KCP: variants seen among roughly 807,000 people sequenced by gnomAD.
The protein encoded by KCP is kielin cysteine rich BMP regulator, also known as kielin/chordin-like protein.
In KCP, 194 loss-of-function variants were observed where a neutral mutation model predicts 212.7. That is an observed-to-expected ratio of 0.91 (90% CI 0.81 to 1.03). The LOEUF is 1.03. KCP is among the 50% of genes least tolerant of loss of function. The probability of loss-of-function intolerance (pLI) is 0.00; values close to 1 mark genes in which losing one functional copy is unlikely to be tolerated. For missense variants in KCP, 2,080 were observed against 2,162.5 expected, an observed-to-expected ratio of 0.96 and a Z score of 0.76; for synonymous variants, 833 against 865.3, an observed-to-expected ratio of 0.96 and a Z score of 0.65.
chr7:128,882,008 T>A lies in KCP; in HGVS notation c.3253A>T (p.Ser1085Cys). The A allele has an allele frequency of 6.4e-7, 1 of 1,551,004 alleles. No individual in the cohort carries two copies. Among genetic ancestry groups the A allele is most frequent in the Non-Finnish European group, 8.7e-7 (1 of 1,146,828 alleles). ...CCCAGCAGGCCCTCTGAACAGTTAC[T>A]CAAGGCCTCTGTGAAGACAAGAATC... ...HCCPTCAEAL[S>C]NCSEGLLGSE... The change falls in exon 30 of 40, where the codon AGT becomes TGT. Residue 1085 changes from serine (S) to cysteine (C), a missense_variant. Transcript: ENST00000610776.
At chr7:128,896,324 T>A (rs1794519327) in intron 8 of KCP, among the ~76,000 whole-genome samples, 1 of 152,144 alleles carries the variant, frequency 6.6e-6, no homozygotes, top group Non-Finnish European at 1.5e-5. Context: ...GCAAGGATGC[T>A]TGATGGACCT....
chr7:128,887,434 C>G, intron 22 of KCP, 134 bp from the exon 23 acceptor site: 1 of 704,218 alleles, frequency 1.4e-6, no homozygotes, highest in Non-Finnish European at 2.5e-6. Context: ...CACACACATA[C>G]CCATATACAC....
In KCP at chr7:128,890,618, T is replaced by G. The variant is rs906713326; in HGVS notation, c.2165-105A>C. 98 of 120,420 alleles carry G rather than the reference T, an allele frequency of 8.1e-4. No individual in the cohort carries two copies. The Middle Eastern group carries it at 0.013, about 16-fold the overall frequency. The allele number at this position is 120,420 out of a possible 1,614,324, so 7.5% of individuals were successfully genotyped here. On this transcript the variant is annotated intron_variant, in intron 20 of 39. Coordinates refer to ENST00000610776, the MANE Select transcript of KCP (RefSeq NM_001366122.1). ...TGGAGGACGGGTGTCGTGGGGGCCG[T>G]GGGGGCTGGAGGTCGTGGGGGCTGG...
chr7:128,890,071 A>G, intron 21 of KCP: 1 of 487,164 alleles, frequency 2.1e-6, no homozygotes, highest in Admixed American at 3.3e-5. Flanking sequence ...TACAAGAGGC[A>G]CCACGACCAG....
chr7:128,884,381 G>A (rs925677368), intron 28 of KCP, among the ~76,000 whole-genome samples: 2 of 152,182 alleles, frequency 1.3e-5, no homozygotes, highest in Admixed American at 1.3e-4. Context: ...CCTCCGGCAG[G>A]CTCATGCCAT....
chr7:128,893,554 C>T, intron 11 of KCP, 78 bp from the exon 12 acceptor site: 1 of 1,167,574 alleles, frequency 8.6e-7, no homozygotes. Context: ...AGGTGTCCAA[C>T]CCCCACCCTG....
At position 128,903,764 on chromosome 7, in the gene KCP, T is replaced by TG. The variant is rs1794977969; in HGVS notation, c.710dup (p.Val238SerfsTer71). Reference sequence around the variant, plus strand: ...GGCAGCAGTGCCCAGGCCTCAGCACTGGCTCTGGGCAGGGGCTAGGCGGGC... The same window carrying TG: ...GGCAGCAGTGCCCAGGCCTCAGCACTGGGCTCTGGGCAGGGGCTAGGCGGGC... On this transcript the variant is annotated frameshift_variant, in exon 7 of 40. Coordinates refer to ENST00000610776, the MANE Select transcript of KCP (RefSeq NM_001366122.1). LOFTEE classifies it high-confidence loss of function. 6.5e-7 allele frequency: 1 copy of TG among 1,547,044 alleles called. No individual in the cohort carries two copies. Among genetic ancestry groups the TG allele is most frequent in the Non-Finnish European group, 8.7e-7 (1 of 1,144,682 alleles).
chr7:128,887,166 G>A, intron 23 of KCP, 49 bp downstream of exon 23: 2 of 1,465,240 alleles, frequency 1.4e-6, no homozygotes, highest in African/African-American at 1.4e-5. Flanking sequence ...GGCCAGAGAG[G>A]AGTATCAAGG....
chr7:128,897,701 A>G (rs1794611071), intron 8 of KCP, among the ~76,000 whole-genome samples: 1 of 152,122 alleles, frequency 6.6e-6, no homozygotes, highest in Admixed American at 6.5e-5. Context: ...CTTTAAGGTC[A>G]TAACCTGCTT....
chr7:128,908,251 G>GAAGAAAAAGAAAGAAAGA (rs1454174956), intron 2 of KCP, among the ~76,000 whole-genome samples, 175 bp downstream of exon 2: 1 of 101,212 alleles, frequency 9.9e-6, no homozygotes, highest in African/African-American at 3.9e-5. Context: ...AAGAAAGAAA[G>GAAGAAAAAGAAAGAAAGA]AAGAAAGAAA....
intron 2 of KCP, among the ~76,000 whole-genome samples, chr7:128,907,663 C>G (rs555910863): frequency 5.3e-5 from 8 of 152,298 alleles, no homozygotes; most frequent in Middle Eastern, 3.4e-3. Flanking sequence ...AAATGGGGAC[C>G]CAACCCTTGC....
In KCP at chr7:128,888,580, CCACA is replaced by C. The variant is rs111595461; in HGVS notation, c.2512+279_2512+282del. ...TACATACACACACATATACACACGG[CCACA>C]CACACACAGAGCCACACACACACAG... is the stretch of plus-strand genomic sequence containing the variant. On this transcript the variant is annotated intron_variant, in intron 22 of 39. Coordinates refer to ENST00000610776, the MANE Select transcript of KCP (RefSeq NM_001366122.1). Among the ~76,000 whole-genome samples, 759 of 135,416 alleles carry C rather than the reference CCACA, an allele frequency of 5.6e-3. 9 individuals carry two copies. Among genetic ancestry groups the C allele is most frequent in the African/African-American group, 0.019 (697 of 36,370 alleles). 88.8% of individuals were successfully genotyped at this position (135,416 alleles called of 152,430 possible).
chr7:128,892,928 G>A lies in KCP; in HGVS notation c.1361C>T (p.Pro454Leu), dbSNP rs1326307834. 2 of 1,501,672 alleles carry A rather than the reference G, an allele frequency of 1.3e-6. No individual in the cohort carries two copies. Among genetic ancestry groups the A allele is most frequent in the Admixed American group, 2.0e-5 (1 of 50,960 alleles). 93.0% of individuals were successfully genotyped at this position (1,501,672 alleles called of 1,614,324 possible). ...GGGGCAGAGCACAGCCCCGCACTTG[G>A]GTACCCCATCTTGACAGACGCAGGC... ...CTACVCQDGVPKCGAVLCPPA... is the reference protein window; with the variant it reads ...CTACVCQDGVLKCGAVLCPPA... The change falls in exon 14 of 40, where the codon CCC becomes CTC. Residue 454 changes from proline (P) to leucine (L), a missense_variant. Transcript: ENST00000610776.
At chr7:128,907,208 C>T in intron 3 of KCP, 31 bp from the exon 4 acceptor site, 1 of 1,546,120 alleles carries the variant, frequency 6.5e-7, no homozygotes, top group Non-Finnish European at 8.8e-7. Context: ...CTCAAGCACC[C>T]CATGCCATCT....
chr7:128,878,446 A>C, intron 38 of KCP, 112 bp downstream of exon 38: 1 of 1,206,464 alleles, frequency 8.3e-7, no homozygotes, highest in Non-Finnish European at 1.1e-6. Context: ...CCAAAAGCCT[A>C]TCTTGTGTGA....
At position 128,878,691 on chromosome 7, in the gene KCP, A is replaced by G. The variant is rs1253206476; in HGVS notation, c.4178T>C (p.Val1393Ala). 2 of 1,550,584 alleles carry G rather than the reference A, an allele frequency of 1.3e-6. No individual in the cohort carries two copies. The highest frequency in any genetic ancestry group is 2.4e-5 in the South Asian group (2 of 84,060). Residue 1393 changes from valine (V) to alanine (A), a missense_variant, in exon 38 of 40, where the codon GTG (valine) becomes GCG (alanine). Coordinates refer to ENST00000610776, the MANE Select transcript of KCP (RefSeq NM_001366122.1). ...GCCCTGGTAGGAGCCAGGTACGCTC[A>G]CCTCCACCTGGGACTGCCCATCCCA... ...VLWDGQSQVE[V>A]SVPGSYQGRT... is the part of the protein sequence containing the mutation.
At chr7:128,905,595 G>A (rs1407454667) in intron 5 of KCP, among the ~76,000 whole-genome samples, 5 of 152,092 alleles carry the variant, frequency 3.3e-5, no homozygotes, top group South Asian at 2.1e-4. Flanking sequence ...CAGCCCCGAC[G>A]CCTCTGTCTG....
chr7:128,880,389 G>A lies in KCP; in HGVS notation c.3756C>T (p.Gly1252=), dbSNP rs1793256586. ...CATTTTAGATTGCGGCACTCACGGGGCCACACGAGAGCGGTGAGCAGCGCT... is the reference window on the plus strand; with the variant it reads ...CATTTTAGATTGCGGCACTCACGGGACCACACGAGAGCGGTGAGCAGCGCT... ...QSQRCSPLSC[G]PDKAPALSPG... is the part of the protein sequence containing the mutation. Residue 1252 remains glycine (G), a synonymous_variant, in exon 34 of 40, where the codon GGC becomes GGT. Coordinates refer to ENST00000610776, the MANE Select transcript of KCP (RefSeq NM_001366122.1). The A allele has an allele frequency of 1.2e-5, 18 of 1,531,092 alleles. No homozygotes were observed. The highest frequency in any genetic ancestry group is 1.5e-5 in the Non-Finnish European group (17 of 1,135,644). 94.8% of individuals were successfully genotyped at this position (1,531,092 alleles called of 1,614,324 possible).
At chr7:128,887,155 T>A in intron 23 of KCP, 60 bp downstream of exon 23, 1 of 1,431,664 alleles carries the variant, frequency 7.0e-7, no homozygotes, top group Non-Finnish European at 9.6e-7. Context: ...AGCCTCTTCC[T>A]GGCCAGAGAG....
Sources: gnomAD v4.1 joint callset for allele counts (sites outside exome capture counted in the v4.1 genomes callset) on GRCh38, gnomAD v4.1.1 for gene constraint, MANE v1.5 for transcripts, NCBI Gene and HGNC (gene_info 2026-07-23, HGNC 2026-07-21) for gene names.